Variants in GPC5 observed in about 807,000 individuals in gnomAD.
The protein encoded by GPC5 is glypican 5, also known as glypican-5.
Under a neutral mutation model 53.9 loss-of-function variants are expected in GPC5, and 47 were observed. That is an observed-to-expected ratio of 0.87 (90% CI 0.69 to 1.11). The LOEUF (loss-of-function observed/expected upper bound fraction) is 1.11, where lower values mean the gene tolerates loss of function less well. GPC5 is among the 50% of genes most tolerant of loss of function. GPC5 has a pLI of 0.00. For missense variants in GPC5, 748 were observed against 713.1 expected, an observed-to-expected ratio of 1.05 and a Z score of -0.56; for synonymous variants, 286 against 263.3, an observed-to-expected ratio of 1.09 and a Z score of -0.84.
intron 7 of GPC5, among the ~76,000 whole-genome samples, chr13:92,158,729 G>T (rs1159628586): frequency 6.6e-6 from 1 of 151,752 alleles, no homozygotes; most frequent in African/African-American, 2.4e-5. Flanking sequence ...CTTCTGTATT[G>T]TCCATCTCTA....
At chr13:91,963,501 T>C (rs1381215843) in intron 6 of GPC5, among the ~76,000 whole-genome samples, 1 of 152,194 alleles carries the variant, frequency 6.6e-6, no homozygotes, top group East Asian at 1.9e-4. Context: ...ACATTTGTTT[T>C]GGAAGGCCTG....
intron 1 of GPC5, among the ~76,000 whole-genome samples, chr13:91,435,581 G>A (rs7336866): frequency 0.44 from 67,380 of 151,962 alleles, 15,884 homozygotes; most frequent in Middle Eastern, 0.56. Context: ...TGCTGGATTC[G>A]ATTTGCCAGT....
chr13:92,675,569 T>C (rs1886909716), intron 7 of GPC5, among the ~76,000 whole-genome samples: 1 of 145,980 alleles, frequency 6.9e-6, no homozygotes, highest in Non-Finnish European at 1.5e-5. Flanking sequence ...TTAATGTATT[T>C]TGTCCCCCTC....
chr13:92,134,632 G>A lies in GPC5; in HGVS notation c.1402-10198G>A, dbSNP rs77061093. On this transcript the variant is annotated intron_variant, in intron 6 of 7. Transcript: ENST00000377067. ...AACTATTTTTGCTTAGAATGCCCCT[G>A]GATTTCAGTCATAGAAATTCACTTG... 7.2e-3 allele frequency among the ~76,000 whole-genome samples: 1,100 copies of A among 152,136 alleles called. 14 individuals are homozygous for A. The highest frequency in any genetic ancestry group is 0.025 in the African/African-American group (1,041 of 41,514).
chr13:92,697,069 G>A (rs1298341693), intron 7 of GPC5, among the ~76,000 whole-genome samples: 1 of 150,826 alleles, frequency 6.6e-6, no homozygotes, highest in Non-Finnish European at 1.5e-5. Context: ...ATCTGTTTTG[G>A]TAGCAGTACC....
At chr13:92,205,813 C>A (rs1160982255) in intron 7 of GPC5, among the ~76,000 whole-genome samples, 1 of 152,060 alleles carries the variant, frequency 6.6e-6, no homozygotes, top group Non-Finnish European at 1.5e-5. Context: ...TTCGGAGGCC[C>A]AGGCGGGTGG....
At chr13:91,849,161 G>T (rs752515729) in intron 5 of GPC5, among the ~76,000 whole-genome samples, 1 of 152,158 alleles carries the variant, frequency 6.6e-6, no homozygotes, top group Non-Finnish European at 1.5e-5. Context: ...AATAAAGAAT[G>T]CATTTGCTTC....
At chr13:92,147,170 T>C (rs922103841) in intron 7 of GPC5, among the ~76,000 whole-genome samples, 1 of 151,498 alleles carries the variant, frequency 6.6e-6, no homozygotes, top group African/African-American at 2.4e-5. Flanking sequence ...TGAAAGAAAA[T>C]GAAAAAGGGT....
chr13:92,414,259 C>T (rs1299854053), intron 7 of GPC5, among the ~76,000 whole-genome samples: 2 of 151,988 alleles, frequency 1.3e-5, no homozygotes, highest in African/African-American at 4.8e-5. Context: ...AATCCCAGCA[C>T]ATTGGGAGGC....
chr13:92,476,382 A>T (rs1031533503), intron 7 of GPC5, among the ~76,000 whole-genome samples: 54 of 151,326 alleles, frequency 3.6e-4, no homozygotes, highest in Non-Finnish European at 7.0e-4. Flanking sequence ...ATCATTAAAA[A>T]GTCAGGAAAC....
chr13:92,817,442 G>T (rs1348091714), intron 7 of GPC5, among the ~76,000 whole-genome samples: 1 of 151,888 alleles, frequency 6.6e-6, no homozygotes, highest in African/African-American at 2.4e-5. Context: ...TTAAGACTTA[G>T]TACAGCTTTT....
At chr13:91,823,204 A>G (rs555398154) in intron 5 of GPC5, among the ~76,000 whole-genome samples, 10 of 152,032 alleles carry the variant, frequency 6.6e-5, no homozygotes, top group Non-Finnish European at 1.3e-4. Context: ...AATGTATTCT[A>G]TTGCTTAGTT....
intron 7 of GPC5, among the ~76,000 whole-genome samples, chr13:92,449,771 A>C (rs375118641): frequency 1.0e-4 from 15 of 150,736 alleles, no homozygotes; most frequent in African/African-American, 3.6e-4. Flanking sequence ...GATAAACTTC[A>C]CACAGATTCA....
intron 7 of GPC5, among the ~76,000 whole-genome samples, chr13:92,530,316 T>A (rs1464943833): frequency 6.6e-6 from 1 of 151,976 alleles, no homozygotes; most frequent in Non-Finnish European, 1.5e-5. Flanking sequence ...AGGGTCAGGG[T>A]GGAGGGGAGG....
At chr13:92,780,146 T>C (rs936208869) in intron 7 of GPC5, among the ~76,000 whole-genome samples, 13 of 152,058 alleles carry the variant, frequency 8.5e-5, no homozygotes, top group African/African-American at 3.1e-4. Context: ...TTGGAAACAC[T>C]GTTACTAAAT....
At chr13:91,901,237 A>C (rs1431668868) in intron 5 of GPC5, among the ~76,000 whole-genome samples, 1 of 152,084 alleles carries the variant, frequency 6.6e-6, no homozygotes, top group Non-Finnish European at 1.5e-5. Flanking sequence ...ATAGGTGTCA[A>C]ATTTAGACAT....
intron 6 of GPC5, among the ~76,000 whole-genome samples, chr13:91,961,292 A>ACATGTAATAAAGTGTCACATGTACCTTG (rs2040123331): frequency 6.6e-6 from 1 of 151,988 alleles, no homozygotes; most frequent in South Asian, 2.1e-4. Context: ...CCTTGTATAT[A>ACATGTAATAAAGTGTCACATGTACCTTG]TATATACAAA....
At chr13:92,460,498 A>G (rs1276895149) in intron 7 of GPC5, among the ~76,000 whole-genome samples, 1 of 152,164 alleles carries the variant, frequency 6.6e-6, no homozygotes, top group Non-Finnish European at 1.5e-5. Context: ...GGTCTAATAA[A>G]TTAAAAACAA....
intron 7 of GPC5, among the ~76,000 whole-genome samples, chr13:92,371,948 C>T (rs899283359): frequency 6.6e-6 from 1 of 152,184 alleles, no homozygotes; most frequent in Non-Finnish European, 1.5e-5. Flanking sequence ...AAGGAAGGAG[C>T]TTGGGACAGG....
Sources: gnomAD v4.1 joint callset for allele counts (sites outside exome capture counted in the v4.1 genomes callset) on GRCh38, gnomAD v4.1.1 for gene constraint, MANE v1.5 for transcripts, NCBI Gene and HGNC (gene_info 2026-07-23, HGNC 2026-07-21) for gene names.